The following GABRA3 variants were observed in gnomAD, a reference collection of about 807,000 sequenced individuals.
GABRA3 encodes gamma-aminobutyric acid type A receptor subunit alpha3.
A neutral mutation model predicts 30.1 loss-of-function variants in GABRA3; 10 were observed. The observed-to-expected ratio is 0.33, with a 90% CI of 0.20 to 0.56. The LOEUF (loss-of-function observed/expected upper bound fraction) is 0.56, where lower values mean the gene tolerates loss of function less well. Ranked by LOEUF, GABRA3 falls within the 20% of genes least tolerant of loss-of-function variation. GABRA3 has a pLI of 0.89. For missense variants in GABRA3, 233 were observed against 392.0 expected (o/e 0.59, Z 3.42); for synonymous variants, 151 against 146.8 (o/e 1.03, Z -0.21).
chrX:152,342,529 C>T (rs1038869110), intron 3 of GABRA3, among the ~76,000 whole-genome samples: 3 of 110,668 alleles, frequency 2.7e-5, no homozygotes, highest in Admixed American at 9.7e-5. Context: ...GGCTTATTAG[C>T]GTTTCTGTCC....
intron 2 of GABRA3, among the ~76,000 whole-genome samples, chrX:152,346,624 G>A (rs1283671100): frequency 1.8e-5 from 2 of 111,999 alleles, no homozygotes; most frequent in Non-Finnish European, 3.8e-5. Flanking sequence ...AATAGATAAA[G>A]AGCTCAAACA....
At chrX:152,300,579 A>C (rs1289952566) in intron 3 of GABRA3, among the ~76,000 whole-genome samples, 1 of 112,627 alleles carries the variant, frequency 8.9e-6, no homozygotes, top group African/African-American at 3.2e-5. Context: ...AGATGTTTGA[A>C]GTGTCAGCCA....
At chrX:152,409,884 C>A (rs1930025975) in intron 1 of GABRA3, among the ~76,000 whole-genome samples, 1 of 112,266 alleles carries the variant, frequency 8.9e-6, no homozygotes, top group Admixed American at 9.4e-5. Flanking sequence ...GAAAGGAAAT[C>A]AATCTAACAA....
At chrX:152,256,416 A>G (rs958914677) in intron 4 of GABRA3, among the ~76,000 whole-genome samples, 2 of 111,490 alleles carry the variant, frequency 1.8e-5, no homozygotes, top group African/African-American at 6.5e-5. Flanking sequence ...CCAAAACCTT[A>G]CATTTTATCG....
intron 3 of GABRA3, among the ~76,000 whole-genome samples, chrX:152,298,797 C>G (rs1381739776): frequency 4.5e-5 from 5 of 111,653 alleles, no homozygotes; most frequent in African/African-American, 1.3e-4. Flanking sequence ...GAGGAATCAC[C>G]ACACTGACTT....
intron 3 of GABRA3, among the ~76,000 whole-genome samples, chrX:152,321,561 C>T (rs1428625309): frequency 1.8e-5 from 2 of 111,229 alleles, no homozygotes; most frequent in Admixed American, 9.6e-5. Flanking sequence ...GGCATCCCTT[C>T]GGTCTAATTC....
intron 1 of GABRA3, among the ~76,000 whole-genome samples, chrX:152,390,186 C>T (rs1051636655): frequency 4.5e-5 from 5 of 111,700 alleles, no homozygotes; most frequent in Non-Finnish European, 9.4e-5. Flanking sequence ...GTAATTTGAT[C>T]GTCTGAAGCC....
chrX:152,271,702 C>T (rs1039839488), intron 4 of GABRA3, among the ~76,000 whole-genome samples: 3 of 112,116 alleles, frequency 2.7e-5, no homozygotes, highest in Non-Finnish European at 5.6e-5. Flanking sequence ...ATGGCAGCCC[C>T]TCCCATCACA....
chrX:152,256,974 T>A (rs1938647168), intron 4 of GABRA3, among the ~76,000 whole-genome samples: 1 of 111,143 alleles, frequency 9.0e-6, no homozygotes, highest in Non-Finnish European at 1.9e-5. Context: ...GACTCAAAAG[T>A]AAGAGAATCC....
At chrX:152,239,243 C>T (rs1466095371) in intron 5 of GABRA3, among the ~76,000 whole-genome samples, 49 of 103,140 alleles carry the variant, frequency 4.8e-4, no homozygotes, top group Non-Finnish European at 6.3e-4. Flanking sequence ...GCCTTCATTT[C>T]GTTATGTACC....
chrX:152,342,010 C>G (rs1484497594), intron 3 of GABRA3, among the ~76,000 whole-genome samples: 1 of 111,684 alleles, frequency 9.0e-6, no homozygotes, highest in Non-Finnish European at 1.9e-5. Context: ...GTAGCTGGGA[C>G]TACAGGCACA....
chrX:152,357,101 T>C (rs1940561905), intron 2 of GABRA3, among the ~76,000 whole-genome samples: 1 of 112,056 alleles, frequency 8.9e-6, no homozygotes, highest in African/African-American at 3.2e-5. Flanking sequence ...CCTTTGGATA[T>C]ATATCCAATA....
chrX:152,435,381 G>T lies in GABRA3; in HGVS notation c.-27+15765C>A, dbSNP rs182136927. On this transcript the variant is annotated intron_variant, in intron 1 of 9. Coordinates refer to ENST00000370314, the MANE Select transcript of GABRA3 (RefSeq NM_000808.4). ...CAGTGATAGACTGGATGAAGAAAAT[G>T]TGGCACATATACACCAGGGAATACT... Among the ~76,000 whole-genome samples, 788 of 111,744 alleles carry T rather than the reference G, an allele frequency of 7.1e-3. 2 individuals are homozygous for T. The highest frequency in any genetic ancestry group is 0.023 in the Middle Eastern group (5 of 217).
chrX:152,227,271 C>G (rs1234715206), intron 5 of GABRA3, among the ~76,000 whole-genome samples: 1 of 104,253 alleles, frequency 9.6e-6, no homozygotes, highest in Admixed American at 1.0e-4. Context: ...TCTCAGTAAA[C>G]TATCGCAAGG....
intron 1 of GABRA3, among the ~76,000 whole-genome samples, chrX:152,440,776 C>T (rs1190508391): frequency 9.0e-6 from 1 of 111,365 alleles, no homozygotes; most frequent in Non-Finnish European, 1.9e-5. Flanking sequence ...GAAAACCAAA[C>T]ACTGCATGTT....
chrX:152,287,527 T>C (rs1351112814), intron 3 of GABRA3, among the ~76,000 whole-genome samples: 1 of 111,471 alleles, frequency 9.0e-6, no homozygotes, highest in African/African-American at 3.3e-5. Context: ...CCACAGTGAT[T>C]GTAAGTTTCT....
At chrX:152,334,857 C>A (rs1453646955) in intron 3 of GABRA3, among the ~76,000 whole-genome samples, 1 of 111,380 alleles carries the variant, frequency 9.0e-6, no homozygotes, top group South Asian at 3.8e-4. Context: ...ACCATTCCCA[C>A]CCACCTGCCA....
At chrX:152,262,049 G>C (rs1052774319) in intron 4 of GABRA3, among the ~76,000 whole-genome samples, 1 of 112,338 alleles carries the variant, frequency 8.9e-6, no homozygotes, top group African/African-American at 3.2e-5. Flanking sequence ...CAAGGCTTGG[G>C]GCTTGCACCG....
intron 1 of GABRA3, among the ~76,000 whole-genome samples, chrX:152,431,304 A>G (rs140031630): frequency 3.6e-3 from 398 of 111,997 alleles, no homozygotes; most frequent in Admixed American, 6.4e-3. Flanking sequence ...ATAGGGGAAA[A>G]GAGTAAAGAA....
Sources: gnomAD v4.1 joint callset for allele counts (sites outside exome capture counted in the v4.1 genomes callset) on GRCh38, gnomAD v4.1.1 for gene constraint, MANE v1.5 for transcripts, NCBI Gene and HGNC (gene_info 2026-07-23, HGNC 2026-07-21) for gene names.